Variants in ABCC1 observed in about 807,000 individuals in gnomAD.
ABCC1 encodes the protein multidrug resistance-associated protein 1.
ABCC1 carries 83 observed loss-of-function variants against 172.9 expected under a neutral mutation model. The ratio of observed to expected loss-of-function variants is 0.48; its 90% CI spans 0.40 to 0.58. ABCC1 has a LOEUF of 0.58. Ranked by LOEUF, ABCC1 falls within the 20% of genes least tolerant of loss-of-function variation. The probability of loss-of-function intolerance (pLI) is 0.00; values close to 1 mark genes in which losing one functional copy is unlikely to be tolerated. For synonymous variants in ABCC1, 937 were observed against 825.2 expected (o/e 1.14, Z -2.32); for missense variants, 1,817 against 2,002.7 (o/e 0.91, Z 1.77).
intron 18 of ABCC1, among the ~76,000 whole-genome samples, chr16:16,089,462 C>T (rs1269215185): frequency 6.6e-6 from 1 of 151,798 alleles, no homozygotes; most frequent in African/African-American, 2.4e-5. Flanking sequence ...GCAGGAGAAT[C>T]GCTTGAACCC....
chr16:16,121,422 C>T (rs1466126665), intron 23 of ABCC1, among the ~76,000 whole-genome samples: 1 of 152,182 alleles, frequency 6.6e-6, no homozygotes, highest in Non-Finnish European at 1.5e-5. Flanking sequence ...TTTATATTGC[C>T]AGTCAGTAGT....
At chr16:16,063,985 G>A (rs533253001) in intron 12 of ABCC1, among the ~76,000 whole-genome samples, 2 of 152,302 alleles carry the variant, frequency 1.3e-5, no homozygotes, top group South Asian at 4.1e-4. Flanking sequence ...GGGTGAGGGA[G>A]GAGGTTCATC....
intron 30 of ABCC1, among the ~76,000 whole-genome samples, chr16:16,140,097 A>G (rs531211647): frequency 9.8e-5 from 15 of 152,352 alleles, no homozygotes; most frequent in African/African-American, 3.6e-4. Flanking sequence ...ATCTAAAGGA[A>G]GAACATTCTA....
At chr16:16,018,138 C>G (rs1286327193) in intron 5 of ABCC1, among the ~76,000 whole-genome samples, 1 of 152,106 alleles carries the variant, frequency 6.6e-6, no homozygotes, top group African/African-American at 2.4e-5. Context: ...CTCTGTGGTT[C>G]TGTTGGGTTT....
chr16:16,000,990 G>C (rs72775845), intron 1 of ABCC1, among the ~76,000 whole-genome samples: 1 of 152,286 alleles, frequency 6.6e-6, no homozygotes, highest in Non-Finnish European at 1.5e-5. Flanking sequence ...ACCAGCAGTT[G>C]GGGAATGCCT....
At chr16:16,002,944 GCT>G (rs2047370844) in intron 1 of ABCC1, among the ~76,000 whole-genome samples, 1 of 152,154 alleles carries the variant, frequency 6.6e-6, no homozygotes, top group Non-Finnish European at 1.5e-5. Context: ...GCAATGGGGG[GCT>G]GTTAATTTGG....
intron 1 of ABCC1, among the ~76,000 whole-genome samples, chr16:16,006,652 T>C (rs1597105074): frequency 6.6e-6 from 1 of 152,112 alleles, no homozygotes; most frequent in East Asian, 1.9e-4. Flanking sequence ...TGAACAACAT[T>C]GCCCGAGTTT....
chr16:15,982,825 G>T (rs12917672), intron 1 of ABCC1, among the ~76,000 whole-genome samples: 1 of 58,966 alleles, frequency 1.7e-5, no homozygotes, highest in African/African-American at 4.6e-5. Flanking sequence ...AAAAAAAAAA[G>T]GAAATCCATT....
intron 1 of ABCC1, among the ~76,000 whole-genome samples, chr16:15,990,494 C>A (rs980410570): frequency 2.0e-5 from 3 of 152,184 alleles, no homozygotes; most frequent in Non-Finnish European, 4.4e-5. Flanking sequence ...ACCACCAGCT[C>A]CTTGCAACTA....
intron 15 of ABCC1, among the ~76,000 whole-genome samples, chr16:16,077,561 C>G (rs1318769445): frequency 2.0e-5 from 3 of 152,082 alleles, no homozygotes; most frequent in African/African-American, 7.2e-5. Flanking sequence ...GGTACTGTCT[C>G]ACGTGGACAG....
At chr16:15,964,657 A>G (rs904267132) in intron 1 of ABCC1, among the ~76,000 whole-genome samples, 1 of 150,692 alleles carries the variant, frequency 6.6e-6, no homozygotes, top group African/African-American at 2.4e-5. Context: ...TGTAATCATT[A>G]CTCTGCCAGT....
At chr16:16,050,038 G>A (rs1597174291) in intron 10 of ABCC1, among the ~76,000 whole-genome samples, 1 of 152,172 alleles carries the variant, frequency 6.6e-6, no homozygotes, top group Non-Finnish European at 1.5e-5. Flanking sequence ...CATGCTCAGT[G>A]TACTGCCTCC....
intron 5 of ABCC1, among the ~76,000 whole-genome samples, chr16:16,027,170 T>C (rs2048404136): frequency 6.6e-6 from 1 of 152,184 alleles, no homozygotes; most frequent in Admixed American, 6.6e-5. Context: ...AGGCCTGTTT[T>C]CACCCCTTAA....
intron 1 of ABCC1, among the ~76,000 whole-genome samples, chr16:15,997,531 A>G (rs2047098951): frequency 6.6e-6 from 1 of 151,966 alleles, no homozygotes; most frequent in African/African-American, 2.4e-5. Context: ...GGTCCTTCTG[A>G]TTCTGCTCAG....
chr16:15,954,393 G>A (rs564358003), intron 1 of ABCC1, among the ~76,000 whole-genome samples: 44 of 152,142 alleles, frequency 2.9e-4, no homozygotes, highest in Non-Finnish European at 5.1e-4. Flanking sequence ...CTTATGGAGT[G>A]TTAGAGTGGA....
intron 1 of ABCC1, among the ~76,000 whole-genome samples, chr16:16,003,461 G>A (rs1300788650): frequency 7.2e-6 from 1 of 138,744 alleles, no homozygotes; most frequent in African/African-American, 2.5e-5. Flanking sequence ...TAGGGTGGAT[G>A]GGTGAATTAG....
intron 1 of ABCC1, among the ~76,000 whole-genome samples, chr16:15,985,093 ACT>A (rs1597074138): frequency 1.3e-5 from 2 of 152,230 alleles, no homozygotes; most frequent in Middle Eastern, 6.8e-3. Flanking sequence ...AGAGAGTGAG[ACT>A]CTGTCTTAAA....
At chr16:16,110,759 C>A (rs988883134) in intron 21 of ABCC1, among the ~76,000 whole-genome samples, 3 of 152,194 alleles carry the variant, frequency 2.0e-5, no homozygotes, top group Admixed American at 6.5e-5. Flanking sequence ...TGCATTAGGT[C>A]AGGTTGTCTG....
At chr16:15,966,000 A>G (rs2046233939) in intron 1 of ABCC1, among the ~76,000 whole-genome samples, 1 of 152,136 alleles carries the variant, frequency 6.6e-6, no homozygotes, top group African/African-American at 2.4e-5. Flanking sequence ...ACATCTGAAA[A>G]GGCTTCACTC....
Sources: allele counts gnomAD v4.1 joint callset (sites outside exome capture counted in the v4.1 genomes callset), GRCh38; gene constraint gnomAD v4.1.1; transcripts MANE v1.5; gene names NCBI Gene and HGNC (gene_info 2026-07-23, HGNC 2026-07-21).